CDHR3: variants seen among roughly 807,000 people sequenced by gnomAD.
The protein encoded by CDHR3 is cadherin-related family member 3.
A neutral mutation model predicts 86.6 loss-of-function variants in CDHR3; 79 were observed. That is an observed-to-expected ratio of 0.91 (90% confidence interval 0.76 to 1.10). The LOEUF is 1.10. Ranked by LOEUF, CDHR3 falls within the 50% of genes least tolerant of loss-of-function variation. The probability of loss-of-function intolerance (pLI) is 0.00; values close to 1 mark genes in which losing one functional copy is unlikely to be tolerated. For missense variants in CDHR3, 1,081 were observed against 1,077.6 expected (o/e 1.00, Z -0.04); for synonymous variants, 421 against 402.4 (o/e 1.05, Z -0.55).
In CDHR3 at chr7:106,009,784, C is replaced by T. The variant is rs115942264; in HGVS notation, c.1053-3076C>T. On this transcript the variant is annotated intron_variant, in intron 8 of 18. Transcript: ENST00000317716. Reference sequence around the variant, plus strand: ...GAGGCATCCGAGGCACGTGACAACCCCCGCTCTGGTTGTAAATTGTCAGGC... The same window carrying T: ...GAGGCATCCGAGGCACGTGACAACCTCCGCTCTGGTTGTAAATTGTCAGGC... Among the ~76,000 whole-genome samples the T allele has an allele frequency of 3.7e-3, 568 of 152,332 alleles. 4 individuals are homozygous for T. Among genetic ancestry groups the T allele is most frequent in the African/African-American group, 0.013 (547 of 41,584 alleles).
chr7:105,992,556 C>A (rs902175895), intron 4 of CDHR3, among the ~76,000 whole-genome samples: 2 of 152,146 alleles, frequency 1.3e-5, no homozygotes, highest in African/African-American at 4.8e-5. Flanking sequence ...TGTGGCATCA[C>A]CCAAATATTT....
At chr7:106,028,916 T>TTTTC (rs1167671014) in intron 17 of CDHR3, among the ~76,000 whole-genome samples, 9,524 of 82,034 alleles carry the variant, frequency 0.12, 1,542 homozygotes, top group Non-Finnish European at 0.13. Flanking sequence ...GAGATTTAAA[T>TTTTC]TTTCTTTCTT....
chr7:105,982,043 C>T (rs1428477193), intron 3 of CDHR3, among the ~76,000 whole-genome samples: 1 of 110,596 alleles, frequency 9.0e-6, no homozygotes, highest in African/African-American at 3.8e-5. Flanking sequence ...CAGCTGGCCT[C>T]CCAGCCCCCC....
At chr7:105,988,309 A>G (rs1013081110) in intron 4 of CDHR3, among the ~76,000 whole-genome samples, 1 of 152,220 alleles carries the variant, frequency 6.6e-6, no homozygotes, top group Non-Finnish European at 1.5e-5. Flanking sequence ...GAGTTTGAAT[A>G]CAAACCTCCC....
At chr7:106,018,449 T>G (rs2115868519) in intron 12 of CDHR3, among the ~76,000 whole-genome samples, 1 of 152,278 alleles carries the variant, frequency 6.6e-6, no homozygotes, top group Middle Eastern at 3.4e-3. Flanking sequence ...TTGGCCAGGC[T>G]GGTCTCGAAC....
intron 13 of CDHR3, 139 bp from the exon 14 acceptor site, chr7:106,022,059 C>A: frequency 9.6e-7 from 1 of 1,044,386 alleles, no homozygotes. Flanking sequence ...ACTAATCCAG[C>A]TCTGGTGTAT....
At chr7:105,996,936 A>G (rs1832339236) in intron 6 of CDHR3, among the ~76,000 whole-genome samples, 2 of 152,046 alleles carry the variant, frequency 1.3e-5, no homozygotes, top group Non-Finnish European at 2.9e-5. Context: ...GCCTGGCACT[A>G]TCCCAGGCAC....
intron 8 of CDHR3, among the ~76,000 whole-genome samples, chr7:106,006,105 C>A (rs1295140156): frequency 6.6e-6 from 1 of 152,156 alleles, no homozygotes; most frequent in Non-Finnish European, 1.5e-5. Flanking sequence ...AGAGATAGAG[C>A]TTGTGTAGGG....
chr7:105,987,185 T>C (rs545593618), intron 4 of CDHR3, among the ~76,000 whole-genome samples: 2 of 152,234 alleles, frequency 1.3e-5, no homozygotes, highest in Non-Finnish European at 2.9e-5. Flanking sequence ...CAGCAGGTGT[T>C]GCTCCCTTCA....
intron 1 of CDHR3, among the ~76,000 whole-genome samples, chr7:105,969,247 A>T (rs1827507372): frequency 1.3e-5 from 2 of 149,860 alleles, no homozygotes; most frequent in South Asian, 4.3e-4. Flanking sequence ...ATACAAAAAA[A>T]AATTAGCCGG....
intron 1 of CDHR3, among the ~76,000 whole-genome samples, chr7:105,965,569 C>CG (rs1057180867): frequency 6.6e-5 from 7 of 106,374 alleles, no homozygotes; most frequent in Non-Finnish European, 1.2e-4. Context: ...CAAGCCCCAC[C>CG]CCCCCCCATG....
intron 7 of CDHR3, among the ~76,000 whole-genome samples, chr7:106,003,652 C>A (rs552921713): frequency 1.3e-5 from 2 of 152,274 alleles, no homozygotes; most frequent in South Asian, 4.1e-4. Flanking sequence ...ACCGGACTGT[C>A]CCACCTTTAT....
Position 105,974,959 on chromosome 7 carries a change from T to C in CDHR3, c.162T>C (p.Pro54=). 1 of 1,613,808 alleles carries C rather than the reference T, an allele frequency of 6.2e-7. No homozygotes were observed. Among genetic ancestry groups the C allele is most frequent in the Non-Finnish European group, 8.5e-7 (1 of 1,179,702 alleles). The change falls in exon 2 of 19, where the codon CCT becomes CCC. Residue 54 remains proline (P), a synonymous_variant. Coordinates refer to ENST00000317716, the MANE Select transcript of CDHR3 (RefSeq NM_152750.5). ...FSVKLSASLS[P]VIPGFPQIVN... is the part of the protein sequence containing the mutation. ...TGAAGTTATCAGCATCATTGTCACC[T>C]GTGATCCCAGGATTTCCCCAGATAG...
chr7:105,968,112 T>C lies in CDHR3; in HGVS notation c.46+4748T>C, dbSNP rs1345285514. ...ACTTTTACACCGACCTAATATAATG[T>C]ACAGAATCACTAGTTGAATCACCTT... On this transcript the variant is annotated intron_variant, in intron 1 of 18. Coordinates refer to ENST00000317716, the MANE Select transcript of CDHR3 (RefSeq NM_152750.5). 2.0e-5 allele frequency among the ~76,000 whole-genome samples: 3 copies of C among 152,344 alleles called. No homozygotes were observed. In the East Asian group the frequency reaches 5.8e-4, roughly 29 times the overall value.
At position 106,018,912 on chromosome 7, in the gene CDHR3, A is replaced by G. The variant is rs115456032; in HGVS notation, c.1653+840A>G. On this transcript the variant is annotated intron_variant, in intron 12 of 18. Coordinates refer to ENST00000317716, the MANE Select transcript of CDHR3 (RefSeq NM_152750.5). ...GAGGGTCTGGGGCCTGAGATTCTGC[A>G]TTTCTGACGTGCTTCCAAGTGGGGC... Among the ~76,000 whole-genome samples, 906 of 152,130 alleles carry G rather than the reference A, an allele frequency of 6.0e-3. 8 individuals carry two copies. The highest frequency in any genetic ancestry group is 0.02 in the African/African-American group (849 of 41,500).
intron 8 of CDHR3, among the ~76,000 whole-genome samples, chr7:106,009,142 C>T (rs1834380423): frequency 6.6e-6 from 1 of 152,196 alleles, no homozygotes; most frequent in South Asian, 2.1e-4. Flanking sequence ...AAATCCGTAG[C>T]TGGACTAACT....
chr7:106,019,317 T>C (rs1233790990), intron 12 of CDHR3, among the ~76,000 whole-genome samples: 1 of 152,186 alleles, frequency 6.6e-6, no homozygotes, highest in African/African-American at 2.4e-5. Flanking sequence ...GGGATGATGT[T>C]TTTAATGATG....
chr7:106,031,313 G>T (rs980704897), intron 18 of CDHR3, among the ~76,000 whole-genome samples: 2 of 152,216 alleles, frequency 1.3e-5, no homozygotes, highest in Admixed American at 1.3e-4. Context: ...TCAGGGCCAA[G>T]AATTTCCTCT....
At chr7:106,026,544 C>A in intron 15 of CDHR3, 138 bp from the exon 16 acceptor site, 4 of 812,486 alleles carry the variant, frequency 4.9e-6, no homozygotes, top group Non-Finnish European at 6.3e-6. Flanking sequence ...TTCTTTCTGG[C>A]CCCTATCCCT....
Sources: gnomAD v4.1 joint callset for allele counts (sites outside exome capture counted in the v4.1 genomes callset) on GRCh38, gnomAD v4.1.1 for gene constraint, MANE v1.5 for transcripts, NCBI Gene and HGNC (gene_info 2026-07-23, HGNC 2026-07-21) for gene names.